Variants in TENM2 observed in about 807,000 individuals in gnomAD.
TENM2 encodes teneurin-2.
A neutral mutation model predicts 245.2 loss-of-function variants in TENM2; 52 were observed. That is an observed-to-expected ratio of 0.21 (90% CI 0.17 to 0.27). The LOEUF (loss-of-function observed/expected upper bound fraction) is 0.27, where lower values mean the gene tolerates loss of function less well. TENM2 is among the 10% of genes least tolerant of loss of function. The pLI, the probability that TENM2 is intolerant of heterozygous loss-of-function variation, is 1.00. For missense variants in TENM2, 3,046 were observed against 3,666.8 expected (o/e 0.83, Z 4.37); for synonymous variants, 1,363 against 1,438.9 (o/e 0.95, Z 1.19).
At chr5:168,240,391 C>T (rs1261453682) in intron 25 of TENM2, among the ~76,000 whole-genome samples, 1 of 152,162 alleles carries the variant, frequency 6.6e-6, no homozygotes, top group African/African-American at 2.4e-5. Context: ...GGTGTACAAC[C>T]TGGAGGTTAA....
At chr5:167,971,262 GAGAA>G (rs35509270) in intron 4 of TENM2, among the ~76,000 whole-genome samples, 66,843 of 151,134 alleles carry the variant, frequency 0.44, 15,559 homozygotes, top group East Asian at 0.67. Flanking sequence ...GAGAGAGAGA[GAGAA>G]AGAAAGGGGA....
At chr5:167,242,903 G>A in the TENM2 span, among the ~76,000 whole-genome samples, 2 of 152,056 alleles carry the variant, frequency 1.3e-5, no homozygotes, top group African/African-American at 2.4e-5. Context: ...GTGTGTAGAC[G>A]AAAAATATAA....
chr5:167,554,434 T>C (rs1773137145), intron 2 of TENM2, among the ~76,000 whole-genome samples: 1 of 152,194 alleles, frequency 6.6e-6, no homozygotes, highest in Admixed American at 6.5e-5. Context: ...CGATACAGTG[T>C]TCATCATTTA....
chr5:167,404,794 C>T (rs1262509423), intron 2 of TENM2, among the ~76,000 whole-genome samples: 1 of 152,170 alleles, frequency 6.6e-6, no homozygotes, highest in Admixed American at 6.6e-5. Context: ...ACATAATTCA[C>T]ATAACGTGCA....
rs531411353 is a variant in TENM2, at chr5:167,363,309, T to G, written c.227-11889T>G. 3.3e-5 allele frequency among the ~76,000 whole-genome samples: 5 copies of G among 152,270 alleles called. No homozygotes were observed. The East Asian group carries it at 9.7e-4, about 29-fold the overall frequency. On this transcript the variant is annotated intron_variant, in intron 1 of 28. Transcript: ENST00000518659. ...AGGAAACCTAAAAAGAGGTATGTGT[T>G]CAACACTACCACATGCACATTGCCT...
chr5:167,268,936 A>AGACAT, the TENM2 span, among the ~76,000 whole-genome samples: 2 of 149,452 alleles, frequency 1.3e-5, no homozygotes, highest in Non-Finnish European at 3.0e-5. Flanking sequence ...ATAGACAGAC[A>AGACAT]TTTTTTTTTT....
intron 1 of TENM2, among the ~76,000 whole-genome samples, chr5:167,348,871 T>C (rs1021702079): frequency 6.6e-6 from 1 of 152,344 alleles, no homozygotes. Context: ...TCTCAGAGAA[T>C]TGCATTAACT....
chr5:167,189,289 G>T, the TENM2 span, among the ~76,000 whole-genome samples: 1 of 152,104 alleles, frequency 6.6e-6, no homozygotes, highest in Non-Finnish European at 1.5e-5. Flanking sequence ...GTTACGTAGT[G>T]TGGAAGAAAA....
intron 2 of TENM2, among the ~76,000 whole-genome samples, chr5:167,662,329 C>T (rs752063994): frequency 1.3e-5 from 2 of 152,156 alleles, no homozygotes; most frequent in Admixed American, 6.5e-5. Flanking sequence ...ACCCCTTCCT[C>T]GTTTGCCTGG....
At chr5:167,604,400 C>G (rs1015794463) in intron 2 of TENM2, among the ~76,000 whole-genome samples, 5 of 152,088 alleles carry the variant, frequency 3.3e-5, no homozygotes, top group African/African-American at 1.2e-4. Flanking sequence ...TTTTTTCAAT[C>G]TCTTCATTTG....
chr5:168,018,098 G>A (rs1055816238), intron 5 of TENM2, among the ~76,000 whole-genome samples: 1 of 152,140 alleles, frequency 6.6e-6, no homozygotes, highest in Non-Finnish European at 1.5e-5. Flanking sequence ...CCAGCATCTC[G>A]GAGTTGGTTG....
chr5:167,779,596 C>T (rs537881051), intron 2 of TENM2, among the ~76,000 whole-genome samples: 2 of 152,300 alleles, frequency 1.3e-5, no homozygotes, highest in Admixed American at 6.5e-5. Context: ...GTCTGTCCTT[C>T]GTTTGTAGTC....
exon 25 of TENM2, chr5:168,228,032 A>T (rs1159771447): frequency 6.2e-7 from 1 of 1,613,742 alleles, no homozygotes; most frequent in Non-Finnish European, 8.5e-7. Context: ...ACGCTGCAAC[A>T]TCTCCCTGCC....
chr5:167,010,410 C>T, the TENM2 span, among the ~76,000 whole-genome samples: 1 of 152,182 alleles, frequency 6.6e-6, no homozygotes, highest in East Asian at 1.9e-4. Flanking sequence ...TACAAAGGAG[C>T]TGTATCTTTT....
At chr5:167,241,736 G>A in the TENM2 span, among the ~76,000 whole-genome samples, 8 of 152,168 alleles carry the variant, frequency 5.3e-5, no homozygotes, top group Admixed American at 1.3e-4. Flanking sequence ...AGCAGTTTTA[G>A]TGGAGCGATG....
chr5:168,034,122 T>TACAC, intron 5 of TENM2, among the ~76,000 whole-genome samples: 2 of 69,082 alleles, frequency 2.9e-5, no homozygotes, highest in South Asian at 1.2e-3. Context: ...TATATATGTG[T>TACAC]ATATATATAT....
At chr5:167,196,173 G>C in the TENM2 span, among the ~76,000 whole-genome samples, 2 of 151,928 alleles carry the variant, frequency 1.3e-5, no homozygotes, top group South Asian at 4.1e-4. Context: ...GAATAGTATA[G>C]GCAATTGTAA....
chr5:167,791,446 ATATAT>A lies in TENM2; in HGVS notation c.503-84534_503-84530del, dbSNP rs545310651. 2.4e-3 allele frequency among the ~76,000 whole-genome samples: 331 copies of A among 140,366 alleles called. 1 individual carries two copies. The highest frequency in any genetic ancestry group is 6.5e-3 in the African/African-American group (244 of 37,328). 92.1% of individuals were successfully genotyped at this position (140,366 alleles called of 152,430 possible). On this transcript the variant is annotated intron_variant, in intron 2 of 28. Coordinates refer to ENST00000518659, the Ensembl canonical transcript of TENM2. ...ATAATATATTATATATTTATATATA[ATATAT>A]TATATAGATTATATATTTATAATTT...
intron 2 of TENM2, among the ~76,000 whole-genome samples, chr5:167,487,220 A>G (rs1768129414): frequency 6.6e-6 from 1 of 152,050 alleles, no homozygotes; most frequent in African/African-American, 2.4e-5. Context: ...TTGTCTGACA[A>G]TTTTGGTTAT....
Sources: gnomAD v4.1 joint callset for allele counts (sites outside exome capture counted in the v4.1 genomes callset) on GRCh38, gnomAD v4.1.1 for gene constraint, MANE v1.5 for transcripts, NCBI Gene and HGNC (gene_info 2026-07-23, HGNC 2026-07-21) for gene names.